The following GRIK2 variants were observed in gnomAD, a reference collection of about 807,000 sequenced individuals.
GRIK2 encodes the protein glutamate ionotropic receptor kainate type subunit 2.
In GRIK2, 32 loss-of-function variants were observed where a neutral mutation model predicts 100.3. The observed-to-expected ratio is 0.32, with a 90% CI of 0.24 to 0.43. GRIK2 has a LOEUF of 0.43. GRIK2 is among the 20% of genes least tolerant of loss of function. The probability of loss-of-function intolerance (pLI) is 1.00; values close to 1 mark genes in which losing one functional copy is unlikely to be tolerated. For synonymous variants in GRIK2, 417 were observed against 389.4 expected (o/e 1.07, Z -0.83); for missense variants, 843 against 1,114.9 (o/e 0.76, Z 3.47).
At chr6:101,642,295 T>A (rs1313611944) in intron 4 of GRIK2, among the ~76,000 whole-genome samples, 4 of 151,804 alleles carry the variant, frequency 2.6e-5, no homozygotes, top group Non-Finnish European at 5.9e-5. Flanking sequence ...AAATGTACAA[T>A]TCAGTAGTGT....
chr6:101,803,188 T>G (rs1209417738), intron 9 of GRIK2, among the ~76,000 whole-genome samples: 3 of 151,878 alleles, frequency 2.0e-5, no homozygotes, highest in Non-Finnish European at 4.4e-5. Flanking sequence ...TGAGATAATA[T>G]TGCTTTGAAG....
chr6:101,819,613 C>T (rs1781833027), intron 10 of GRIK2, among the ~76,000 whole-genome samples: 2 of 152,140 alleles, frequency 1.3e-5, no homozygotes, highest in East Asian at 3.9e-4. Flanking sequence ...AAAGATAACT[C>T]CCATACCCAC....
intron 2 of GRIK2, among the ~76,000 whole-genome samples, chr6:101,532,424 T>C (rs1775485836): frequency 6.6e-6 from 1 of 152,066 alleles, no homozygotes; most frequent in East Asian, 1.9e-4. Context: ...AATTATACTA[T>C]AAATTCCGAT....
chr6:101,630,158 T>G (rs925556117), intron 4 of GRIK2, among the ~76,000 whole-genome samples: 1 of 152,150 alleles, frequency 6.6e-6, no homozygotes, highest in African/African-American at 2.4e-5. Flanking sequence ...CTGTTGTGAA[T>G]AGTGCTGCAA....
At chr6:101,868,837 G>T (rs1452975029) in intron 11 of GRIK2, among the ~76,000 whole-genome samples, 1 of 151,618 alleles carries the variant, frequency 6.6e-6, no homozygotes, top group African/African-American at 2.4e-5. Context: ...TTCCCATGTG[G>T]AAAAAAATTC....
intron 14 of GRIK2, among the ~76,000 whole-genome samples, chr6:101,990,141 G>T (rs779628103): frequency 6.6e-6 from 1 of 151,592 alleles, no homozygotes; most frequent in Non-Finnish European, 1.5e-5. Flanking sequence ...TGGGAGGAAA[G>T]ATTTATTGCT....
At chr6:101,731,422 A>G (rs546867649) in intron 7 of GRIK2, among the ~76,000 whole-genome samples, 2 of 152,176 alleles carry the variant, frequency 1.3e-5, no homozygotes, top group South Asian at 4.1e-4. Flanking sequence ...CGATTATACA[A>G]TTTCAAAGAC....
intron 4 of GRIK2, among the ~76,000 whole-genome samples, chr6:101,637,636 T>C (rs554636626): frequency 6.6e-6 from 1 of 152,280 alleles, no homozygotes; most frequent in Admixed American, 6.5e-5. Flanking sequence ...TTTTTTGAAA[T>C]GATAGTCTCA....
At chr6:101,553,854 C>T (rs1776621318) in intron 2 of GRIK2, among the ~76,000 whole-genome samples, 1 of 152,108 alleles carries the variant, frequency 6.6e-6, no homozygotes, top group African/African-American at 2.4e-5. Context: ...CAGAATGTAC[C>T]TTTATCCTTA....
At chr6:101,758,891 GTTTAAC>G (rs1193052412) in intron 7 of GRIK2, among the ~76,000 whole-genome samples, 3 of 151,510 alleles carry the variant, frequency 2.0e-5, no homozygotes, top group Non-Finnish European at 2.9e-5. Context: ...AAAAGCTTTT[GTTTAAC>G]TTTATTTGTT....
At chr6:101,433,247 T>G (rs1283284032) in intron 2 of GRIK2, among the ~76,000 whole-genome samples, 1 of 152,206 alleles carries the variant, frequency 6.6e-6, no homozygotes, top group East Asian at 1.9e-4. Context: ...TAGAAAACAC[T>G]TGAGAAATGC....
intron 2 of GRIK2, among the ~76,000 whole-genome samples, chr6:101,509,035 G>C (rs1774165906): frequency 6.6e-6 from 1 of 151,808 alleles, no homozygotes; most frequent in Admixed American, 6.6e-5. Flanking sequence ...GCGGGCACCT[G>C]TAGTCACAGC....
intron 15 of GRIK2, among the ~76,000 whole-genome samples, chr6:102,037,010 T>C (rs1770306143): frequency 6.6e-6 from 1 of 151,326 alleles, no homozygotes. Flanking sequence ...CTGGCAACTC[T>C]GAAAAGTCTA....
intron 7 of GRIK2, among the ~76,000 whole-genome samples, chr6:101,724,476 T>C (rs1187201816): frequency 6.6e-6 from 1 of 151,914 alleles, no homozygotes; most frequent in Non-Finnish European, 1.5e-5. Flanking sequence ...TAAATTTGCT[T>C]AGGATAATGA....
intron 2 of GRIK2, among the ~76,000 whole-genome samples, chr6:101,505,898 T>C (rs1774001252): frequency 6.6e-6 from 1 of 151,992 alleles, no homozygotes; most frequent in African/African-American, 2.4e-5. Flanking sequence ...GCTAAATACA[T>C]TAAAAGTCAA....
intron 2 of GRIK2, among the ~76,000 whole-genome samples, chr6:101,493,165 A>T (rs1390815314): frequency 6.6e-6 from 1 of 152,010 alleles, no homozygotes; most frequent in African/African-American, 2.4e-5. Flanking sequence ...ATATACAATT[A>T]ATCAAGTTGT....
Position 101,985,906 on chromosome 6 carries a change from A to T in GRIK2, c.2086-49435A>T, listed in dbSNP as rs546086086. Among the ~76,000 whole-genome samples the T allele has an allele frequency of 3.7e-4, 56 of 151,962 alleles. 1 individual carries two copies. In the South Asian group the frequency reaches 0.011, roughly 29 times the overall value. On this transcript the variant is annotated intron_variant, in intron 14 of 16. Coordinates refer to ENST00000369134, the MANE Select transcript of GRIK2 (RefSeq NM_021956.5). ...AATATTTTCCCCTCATTACAAAATTATGCCATATACCTTTCTAAAAAGAGA... is the reference window on the plus strand; with the variant it reads ...AATATTTTCCCCTCATTACAAAATTTTGCCATATACCTTTCTAAAAAGAGA...
chr6:101,559,477 C>A (rs1031841967), intron 2 of GRIK2, among the ~76,000 whole-genome samples: 5 of 151,896 alleles, frequency 3.3e-5, no homozygotes, highest in African/African-American at 1.2e-4. Context: ...TTTTAATGCT[C>A]CTTAGGTTGA....
chr6:101,970,637 A>G (rs1356128130), intron 14 of GRIK2, among the ~76,000 whole-genome samples: 5 of 151,996 alleles, frequency 3.3e-5, no homozygotes, highest in African/African-American at 1.2e-4. Flanking sequence ...GGTAAACGAC[A>G]TGGCACACTG....
Sources: allele counts gnomAD v4.1 joint callset (sites outside exome capture counted in the v4.1 genomes callset), GRCh38; gene constraint gnomAD v4.1.1; transcripts MANE v1.5; gene names NCBI Gene and HGNC (gene_info 2026-07-23, HGNC 2026-07-21).